Variants in GON4L observed in about 807,000 individuals in gnomAD.
GON4L encodes the protein gon-4 like.
A neutral mutation model predicts 211.8 loss-of-function variants in GON4L; 87 were observed. The observed-to-expected ratio is 0.41, with a 90% CI of 0.35 to 0.49. GON4L has a LOEUF of 0.49. Among genes scored for constraint, GON4L ranks in the 20% least tolerant of loss-of-function variants. The pLI, the probability that GON4L is intolerant of heterozygous loss-of-function variation, is 0.15. For missense variants in GON4L, 2,155 were observed against 2,659.5 expected (o/e 0.81, Z 4.17); for synonymous variants, 875 against 962.6 (o/e 0.91, Z 1.68).
intron 2 of GON4L, among the ~76,000 whole-genome samples, chr1:155,843,458 A>G (rs1670959898): frequency 6.6e-6 from 1 of 152,054 alleles, no homozygotes; most frequent in Non-Finnish European, 1.5e-5. Flanking sequence ...TAACAGATTG[A>G]CCTGACTCCT....
At chr1:155,849,507 G>A (rs1571940950) in intron 2 of GON4L, among the ~76,000 whole-genome samples, 1 of 143,986 alleles carries the variant, frequency 6.9e-6, no homozygotes, top group East Asian at 2.0e-4. Flanking sequence ...TTGTGCCACT[G>A]CACTCCAACC....
chr1:155,826,207 T>G (rs1011982196), intron 3 of GON4L, among the ~76,000 whole-genome samples: 1 of 150,656 alleles, frequency 6.6e-6, no homozygotes, highest in African/African-American at 2.4e-5. Context: ...TGAGACCCTG[T>G]CTTTAAAAAA....
chr1:155,798,475 T>C (rs1267887910), intron 11 of GON4L, among the ~76,000 whole-genome samples: 1 of 148,920 alleles, frequency 6.7e-6, no homozygotes, highest in East Asian at 2.0e-4. Context: ...AGAGGGGCGA[T>C]CTCGGCTCGC....
rs527723076 is a variant in GON4L at position 155,800,497 on chromosome 1, C to T, written c.1645+4452G>A. Among the ~76,000 whole-genome samples the T allele has an allele frequency of 1.1e-4, 16 of 151,252 alleles. No homozygotes were observed. The Middle Eastern group carries it at 0.014, about 129-fold the overall frequency. ...GCTTGAACCTGAGAGGCGGAGGTTGCGGTGAGCCGAGATCGCGCCACTGCA... is the reference window on the plus strand; with the variant it reads ...GCTTGAACCTGAGAGGCGGAGGTTGTGGTGAGCCGAGATCGCGCCACTGCA... On this transcript the variant is annotated intron_variant, in intron 11 of 31. Coordinates refer to ENST00000368331, the MANE Select transcript of GON4L (RefSeq NM_001282860.2).
chr1:155,842,911 C>A (rs921512232), intron 2 of GON4L, among the ~76,000 whole-genome samples: 1 of 152,104 alleles, frequency 6.6e-6, no homozygotes, highest in Non-Finnish European at 1.5e-5. Context: ...GGCACCCACT[C>A]CCCATTAGGT....
chr1:155,773,494 G>T, intron 17 of GON4L: 1 of 429,360 alleles, frequency 2.3e-6, no homozygotes, highest in Non-Finnish European at 4.3e-6. Flanking sequence ...GTAAAATAAG[G>T]TGCTAACAAT....
intron 2 of GON4L, among the ~76,000 whole-genome samples, chr1:155,849,420 T>C (rs1349271306): frequency 6.6e-6 from 1 of 151,414 alleles, no homozygotes; most frequent in Admixed American, 6.6e-5. Flanking sequence ...GGCGGGCGCC[T>C]GTAGTCCCAG....
rs371436769 is a variant in GON4L, at chr1:155,829,087, C to T, written c.506-2059G>A. On this transcript the variant is annotated intron_variant, in intron 2 of 31. Transcript: ENST00000368331. ...TTTATACTTGGGTCTCACTCTGTCG[C>T]CTAGCCTGGAGTGCAGTAGCATTGT... 6.0e-4 allele frequency among the ~76,000 whole-genome samples: 91 copies of T among 152,242 alleles called. 1 individual carries two copies. In the South Asian group the frequency reaches 0.018, roughly 30 times the overall value.
chr1:155,831,092 A>T (rs1669717230), intron 2 of GON4L, among the ~76,000 whole-genome samples: 1 of 152,088 alleles, frequency 6.6e-6, no homozygotes, highest in Admixed American at 6.6e-5. Context: ...TGAGCTCAGG[A>T]GTTTGATACC....
chr1:155,813,636 G>A lies in GON4L; in HGVS notation c.1450C>T (p.Gln484Ter). 5.6e-6 allele frequency: 9 copies of A among 1,607,916 alleles called. No individual in the cohort carries two copies. The highest frequency in any genetic ancestry group is 7.7e-6 in the Non-Finnish European group (9 of 1,174,422). ...ASSPVCMDSF[Q>*]PMDDSLIAFR... ...TTAAGTACAGTTTTAATATTTACCT[G>A]GAAAGAATCCATGCAGACTGGACTG... The change falls in exon 10 of 32, where the codon CAG becomes TAG. Residue 484 changes from glutamine to a stop codon, truncating the protein, a stop_gained and splice_region_variant. Transcript: ENST00000368331. LOFTEE classifies it high-confidence loss of function.
chr1:155,747,891 C>T (rs1660297185), downstream of GON4L: 2 of 1,571,696 alleles, frequency 1.3e-6, no homozygotes, highest in Non-Finnish European at 8.7e-7. Context: ...TCCCTACCAT[C>T]GTGGGGTGAG....
downstream of GON4L, among the ~76,000 whole-genome samples, chr1:155,745,497 A>C (rs1279010134): frequency 1.3e-5 from 2 of 152,216 alleles, no homozygotes; most frequent in African/African-American, 2.4e-5. Flanking sequence ...ATAAGACCTC[A>C]AGGGAAGTAC....
At chr1:155,804,191 G>A (rs965884870) in intron 11 of GON4L, among the ~76,000 whole-genome samples, 18 of 151,900 alleles carry the variant, frequency 1.2e-4, no homozygotes, top group African/African-American at 4.4e-4. Context: ...AGACCAGCCT[G>A]AGCAACATTT....
chr1:155,755,152 C>T (rs1661045408), intron 27 of GON4L, among the ~76,000 whole-genome samples: 1 of 150,016 alleles, frequency 6.7e-6, no homozygotes, highest in African/African-American at 2.5e-5. Flanking sequence ...CTTAGCGCAA[C>T]TTCCACTCCC....
At chr1:155,849,670 A>T (rs1417224904) in intron 2 of GON4L, among the ~76,000 whole-genome samples, 1 of 147,622 alleles carries the variant, frequency 6.8e-6, no homozygotes, top group Non-Finnish European at 1.5e-5. Flanking sequence ...GCTACTCGGG[A>T]GGCTACGGCA....
intron 12 of GON4L, among the ~76,000 whole-genome samples, chr1:155,787,885 G>A (rs1170248799): frequency 6.6e-6 from 1 of 151,942 alleles, no homozygotes; most frequent in African/African-American, 2.4e-5. Flanking sequence ...CAGAGGCTAC[G>A]CTGACCAGAG....
At chr1:155,766,755 G>C (rs367871244) in intron 20 of GON4L, 46 bp from the exon 21 acceptor site, 31 of 1,611,224 alleles carry the variant, frequency 1.9e-5, no homozygotes, top group Non-Finnish European at 2.4e-5. Flanking sequence ...TCAGAATTTG[G>C]GAAAAAGAGG....
chr1:155,824,008 T>C (rs1202042491), intron 3 of GON4L, among the ~76,000 whole-genome samples: 1 of 152,136 alleles, frequency 6.6e-6, no homozygotes, highest in Non-Finnish European at 1.5e-5. Context: ...TGCCCAAACT[T>C]ATAAGCTAGC....
intron 15 of GON4L, 93 bp downstream of exon 15, chr1:155,777,529 A>T (rs1053430928): frequency 2.1e-6 from 2 of 930,782 alleles, no homozygotes; most frequent in Non-Finnish European, 3.6e-6. Flanking sequence ...AAGTGAGCCG[A>T]TATCGGGCCA....
Sources: allele counts gnomAD v4.1 joint callset (sites outside exome capture counted in the v4.1 genomes callset), GRCh38; gene constraint gnomAD v4.1.1; transcripts MANE v1.5; gene names NCBI Gene and HGNC (gene_info 2026-07-23, HGNC 2026-07-21).